Variants in VWA8 observed in about 807,000 individuals in gnomAD.
VWA8 encodes von Willebrand factor A domain-containing protein 8.
Under a neutral mutation model 241.5 loss-of-function variants are expected in VWA8, and 221 were observed. The ratio of observed to expected loss-of-function variants is 0.91; its 90% CI spans 0.82 to 1.02. The LOEUF (loss-of-function observed/expected upper bound fraction) is 1.02, where lower values mean the gene tolerates loss of function less well. Among genes scored for constraint, VWA8 ranks in the 50% least tolerant of loss-of-function variants. The probability of loss-of-function intolerance (pLI) is 0.00; values close to 1 mark genes in which losing one functional copy is unlikely to be tolerated. For missense variants in VWA8, 2,322 were observed against 2,328.7 expected (o/e 1.00, Z 0.06); for synonymous variants, 852 against 827.1 (o/e 1.03, Z -0.52).
At chr13:41,681,995 T>C (rs1312026630) in intron 35 of VWA8, among the ~76,000 whole-genome samples, 1 of 152,190 alleles carries the variant, frequency 6.6e-6, no homozygotes, top group Non-Finnish European at 1.5e-5. Flanking sequence ...TTCTAAACTT[T>C]ATCCTAAGGA....
At chr13:41,947,792 G>A (rs1877917561) in intron 2 of VWA8, among the ~76,000 whole-genome samples, 1 of 151,798 alleles carries the variant, frequency 6.6e-6, no homozygotes, top group Non-Finnish European at 1.5e-5. Flanking sequence ...AAAAATTGCT[G>A]GGGATGGTAA....
chr13:41,945,153 AG>A (rs1877793150), intron 2 of VWA8, among the ~76,000 whole-genome samples: 2 of 152,236 alleles, frequency 1.3e-5, no homozygotes, highest in African/African-American at 4.8e-5. Flanking sequence ...ACAGACTCTC[AG>A]CAAAAGCCAA....
chr13:41,755,185 A>C (rs1393696204), intron 21 of VWA8, among the ~76,000 whole-genome samples: 1 of 152,060 alleles, frequency 6.6e-6, no homozygotes, highest in Non-Finnish European at 1.5e-5. Flanking sequence ...AGGAACCTCC[A>C]AACTGTTCTC....
chr13:41,908,978 A>T (rs143613644), intron 3 of VWA8, among the ~76,000 whole-genome samples: 10 of 152,008 alleles, frequency 6.6e-5, no homozygotes, highest in African/African-American at 2.4e-4. Context: ...AAAACATATT[A>T]TTGTTGTAAT....
At chr13:41,689,290 C>G (rs1593698270) in intron 34 of VWA8, 64 bp downstream of exon 34, 1 of 1,512,644 alleles carries the variant, frequency 6.6e-7, no homozygotes, top group Non-Finnish European at 8.9e-7. Flanking sequence ...AACAGGCTTA[C>G]AGATTATAGG....
intron 37 of VWA8, among the ~76,000 whole-genome samples, chr13:41,630,506 T>G (rs1017274074): frequency 1.3e-5 from 2 of 151,998 alleles, no homozygotes; most frequent in African/African-American, 4.8e-5. Context: ...GATAAACATT[T>G]AAAAACATTT....
chr13:41,862,833 T>C (rs192268314), intron 12 of VWA8, among the ~76,000 whole-genome samples: 45 of 152,366 alleles, frequency 3.0e-4, no homozygotes, highest in African/African-American at 9.6e-4. Flanking sequence ...GGCAGCTATG[T>C]AAATTAGTTC....
intron 40 of VWA8, among the ~76,000 whole-genome samples, chr13:41,603,017 T>C (rs2044531032): frequency 6.6e-6 from 1 of 152,094 alleles, no homozygotes; most frequent in Admixed American, 6.6e-5. Context: ...GTTAAGCCTA[T>C]TTTCTCTTTT....
Position 41,570,505 on chromosome 13 carries a change from C to CA in VWA8, c.5571dup (p.Ala1858CysfsTer9). On this transcript the variant is annotated frameshift_variant, in exon 44 of 45. Coordinates refer to ENST00000379310, the MANE Select transcript of VWA8 (RefSeq NM_015058.2). LOFTEE classifies it high-confidence loss of function. Reference sequence around the variant, plus strand: ...TCACCTAAAGAGCCAATAAAAATGGCAAAAGCATTTACTTGAGGGTCTCTT... The same window carrying CA: ...TCACCTAAAGAGCCAATAAAAATGGCAAAAAGCATTTACTTGAGGGTCTCTT... 2 of 1,614,152 alleles carry CA rather than the reference C, an allele frequency of 1.2e-6. No homozygotes were observed. The highest frequency in any genetic ancestry group is 1.7e-6 in the Non-Finnish European group (2 of 1,180,022).
intron 9 of VWA8, among the ~76,000 whole-genome samples, chr13:41,875,322 C>T (rs975110379): frequency 1.3e-5 from 2 of 152,032 alleles, no homozygotes. Context: ...TGAAAATGTC[C>T]TTTTCCACCT....
chr13:41,727,166 G>T, intron 24 of VWA8, 28 bp downstream of exon 24: 1 of 1,486,042 alleles, frequency 6.7e-7, no homozygotes. Flanking sequence ...ACTGCTATTG[G>T]TATTGTTATT....
At chr13:41,790,282 CTAGTTT>C (rs1869396188) in intron 17 of VWA8, among the ~76,000 whole-genome samples, 1 of 152,104 alleles carries the variant, frequency 6.6e-6, no homozygotes, top group Non-Finnish European at 1.5e-5. Flanking sequence ...CAATAATCTT[CTAGTTT>C]TAACACTGTG....
chr13:41,897,657 G>C (rs954280846), intron 4 of VWA8, among the ~76,000 whole-genome samples: 9 of 152,124 alleles, frequency 5.9e-5, no homozygotes, highest in African/African-American at 2.2e-4. Context: ...TCTTAAGGCT[G>C]CGCGTCTGGA....
intron 4 of VWA8, among the ~76,000 whole-genome samples, chr13:41,902,669 T>A (rs1412023957): frequency 6.6e-6 from 1 of 152,228 alleles, no homozygotes; most frequent in African/African-American, 2.4e-5. Context: ...TAAACTTTAC[T>A]TTGAAAACAA....
chr13:41,707,849 CT>C (rs2045291988), intron 26 of VWA8, among the ~76,000 whole-genome samples: 1 of 152,166 alleles, frequency 6.6e-6, no homozygotes, highest in Non-Finnish European at 1.5e-5. Context: ...TCAAATGTCA[CT>C]CCCCCTTGCA....
intron 2 of VWA8, among the ~76,000 whole-genome samples, chr13:41,945,796 A>G (rs73185348): frequency 6.6e-6 from 1 of 152,094 alleles, no homozygotes; most frequent in Admixed American, 6.5e-5. Context: ...AAATCTATCA[A>G]ATATAATGGG....
intron 35 of VWA8, among the ~76,000 whole-genome samples, chr13:41,684,219 TATCATATA>T (rs1216636279): frequency 6.6e-6 from 1 of 152,194 alleles, no homozygotes; most frequent in African/African-American, 2.4e-5. Context: ...TTCCAAATGT[TATCATATA>T]ATCAGAACTT....
chr13:41,738,624 T>C (rs1224820947), intron 21 of VWA8, among the ~76,000 whole-genome samples: 1 of 152,180 alleles, frequency 6.6e-6, no homozygotes. Context: ...TAAAATAGTA[T>C]ATAGAAAATT....
intron 37 of VWA8, among the ~76,000 whole-genome samples, chr13:41,621,004 G>A (rs1408471032): frequency 6.6e-6 from 1 of 152,034 alleles, no homozygotes; most frequent in East Asian, 1.9e-4. Flanking sequence ...TCAAAGTAGG[G>A]TTTTCATTAA....
Sources: allele counts gnomAD v4.1 joint callset (sites outside exome capture counted in the v4.1 genomes callset), GRCh38; gene constraint gnomAD v4.1.1; transcripts MANE v1.5; gene names NCBI Gene and HGNC (gene_info 2026-07-23, HGNC 2026-07-21).